Variants in ZNF12 observed in about 807,000 individuals in gnomAD.
The protein encoded by ZNF12 is gonadotropin inducible transcription repressor 3.
Under a neutral mutation model 66.6 loss-of-function variants are expected in ZNF12, and 34 were observed. The observed-to-expected ratio is 0.51, with a 90% confidence interval of 0.39 to 0.68. The LOEUF (loss-of-function observed/expected upper bound fraction) is 0.68, where lower values mean the gene tolerates loss of function less well. Ranked by LOEUF, ZNF12 falls within the 30% of genes least tolerant of loss-of-function variation. The pLI is 0.00. For synonymous variants in ZNF12, 320 were observed against 278.9 expected, an observed-to-expected ratio of 1.15 and a Z score of -1.47; for missense variants, 697 against 826.9, an observed-to-expected ratio of 0.84 and a Z score of 1.93.
rs1780369026 is a variant in ZNF12 at position 6,706,886 on chromosome 7, A to G, written c.-505T>C. 3.7e-5 allele frequency: 15 copies of G among 405,136 alleles called. No homozygotes were observed. Among genetic ancestry groups the G allele is most frequent in the South Asian group, 2.5e-4 (15 of 60,596 alleles). The allele number at this position is 405,136 out of a possible 1,614,324, so 25.1% of individuals were successfully genotyped here. A position where few individuals can be genotyped will look rare whatever the true frequency, so the allele number is the denominator to read the frequency against. ...AGGCTCCGCGATTCTCGCCCACCGG[A>G]GGCCAAAGCCTGGGAACTAGGGCGA... On this transcript the variant is annotated 5_prime_UTR_variant, in exon 1 of 5. Coordinates refer to ENST00000405858, the MANE Select transcript of ZNF12 (RefSeq NM_016265.4).
Position 6,697,355 on chromosome 7 carries a change from T to G in ZNF12, c.222A>C (p.Leu74=). ...EEPWIVEGEF[L]LQSYPDEVWQ... is the part of the protein sequence containing the mutation. Reference sequence around the variant, plus strand: ...CTAACACACCTGGATAGCTCTGAAGTAGGAATTCTCCTTCTACTATCCATG... The same window carrying G: ...CTAACACACCTGGATAGCTCTGAAGGAGGAATTCTCCTTCTACTATCCATG... Residue 74 remains leucine (L), a synonymous_variant, in exon 4 of 5, where the codon CTA becomes CTC. Transcript: ENST00000405858. This position sits in a 1 kb window ranked among gnomAD's most constrained non-coding sequence, Gnocchi z 6.1. The G allele has an allele frequency of 1.2e-6, 2 of 1,609,768 alleles. No individual in the cohort carries two copies. The highest frequency in any genetic ancestry group is 1.7e-6 in the Non-Finnish European group (2 of 1,177,932).
chr7:6,697,586 A>C lies in ZNF12; in HGVS notation c.142+99T>G. On this transcript the variant is annotated intron_variant, in intron 3 of 4. Coordinates refer to ENST00000405858, the MANE Select transcript of ZNF12 (RefSeq NM_016265.4). This position sits in a 1 kb window ranked among gnomAD's most constrained non-coding sequence, Gnocchi z 6.1. ...AATGCCCTGCCTGGTGCCCAAAAACAGATTACTCACATTCGTCCCATCAAA... is the reference window on the plus strand; with the variant it reads ...AATGCCCTGCCTGGTGCCCAAAAACCGATTACTCACATTCGTCCCATCAAA... 6.4e-7 allele frequency: 1 copy of C among 1,568,934 alleles called. No homozygotes were observed. The highest frequency in any genetic ancestry group is 1.2e-5 in the South Asian group (1 of 85,212).
rs780382700 is a variant in ZNF12, at chr7:6,691,557, T to G, written c.1385A>C (p.Glu462Ala). 6.2e-7 allele frequency: 1 copy of G among 1,614,118 alleles called. No homozygotes were observed. The highest frequency in any genetic ancestry group is 8.5e-7 in the Non-Finnish European group (1 of 1,179,976). Residue 462 changes from glutamate (E) to alanine (A), a missense_variant, in exon 5 of 5, where the codon GAG becomes GCG. Around this residue, in one of 3 missense-constraint regions of ZNF12, gnomAD observed 401 missense variants for 519.0 expected, o/e 0.77. Transcript: ENST00000405858. Reference protein sequence around the residue: ...LTVHYRTHSGEKPYECNECGK... With the variant: ...LTVHYRTHSGAKPYECNECGK... ...ACATTCATTACATTCATAGGGTTTC[T>G]CTCCTGAATGAGTTCTATAATGTAC...
In ZNF12 at chr7:6,692,616, A is replaced by C; in HGVS notation, c.326T>G (p.Leu109Arg). 6.2e-7 allele frequency: 1 copy of C among 1,613,834 alleles called. No individual in the cohort carries two copies. The highest frequency in any genetic ancestry group is 8.5e-7 in the Non-Finnish European group (1 of 1,179,826). Residue 109 changes from leucine to arginine, a missense_variant, in exon 5 of 5, where the codon CTG (leucine) becomes CGG (arginine). Transcript: ENST00000405858. The surrounding 1 kb of genome is among the most constrained non-coding windows in gnomAD (Gnocchi z 5.1). Reference sequence around the variant, plus strand: ...AGGAACATTACCTCTCTCTTCAATCAGGGTCTCAATGAACACAGTTTGCCT... The same window carrying C: ...AGGAACATTACCTCTCTCTTCAATCCGGGTCTCAATGAACACAGTTTGCCT... ...PSRQTVFIET[L>R]IEERGNVPGK... is the part of the protein sequence containing the mutation.
At chr7:6,704,327 AG>A (rs1780311198) in intron 2 of ZNF12, 1 of 151,442 alleles carries the variant, frequency 6.6e-6, no homozygotes, top group Non-Finnish European at 1.5e-5. Context: ...AAAAAAAAAA[AG>A]AAAAGAAAAT....
chr7:6,693,495 T>C (rs1284482414), intron 4 of ZNF12, among the ~76,000 whole-genome samples: 1 of 152,254 alleles, frequency 6.6e-6, no homozygotes, highest in Non-Finnish European at 1.5e-5. Context: ...AATGATGCTA[T>C]GATTTAATGC....
chr7:6,695,419 CTA>C (rs1343139726), intron 4 of ZNF12, among the ~76,000 whole-genome samples: 1 of 151,980 alleles, frequency 6.6e-6, no homozygotes, highest in African/African-American at 2.4e-5. Flanking sequence ...CAGGGTTTCA[CTA>C]TGTTACCCAG....
Position 6,692,205 on chromosome 7 carries a change from G to C in ZNF12, c.737C>G (p.Ser246Cys). Residue 246 changes from serine (S) to cysteine (C), a missense_variant, in exon 5 of 5, where the codon TCT becomes TGT. This residue lies in a region of ZNF12 where 241 missense variants were observed against 224.0 expected (regional missense o/e 1.08). Transcript: ENST00000405858. This position sits in a 1 kb window ranked among gnomAD's most constrained non-coding sequence, Gnocchi z 5.1. Reference sequence around the variant, plus strand: ...CGACATCTGGAGAAAGGCTATTTCAGATCCATTCCACTTATAGGGCTTTTC... The same window carrying C: ...CGACATCTGGAGAAAGGCTATTTCACATCCATTCCACTTATAGGGCTTTTC... Reference protein sequence around the residue: ...MEEKPYKWNGSEIAFLQMSDL... With the variant: ...MEEKPYKWNGCEIAFLQMSDL... The C allele has an allele frequency of 1.2e-6, 2 of 1,614,008 alleles. No homozygotes were observed. Among genetic ancestry groups the C allele is most frequent in the South Asian group, 2.2e-5 (2 of 91,078 alleles).
intron 2 of ZNF12, among the ~76,000 whole-genome samples, chr7:6,699,240 G>C (rs1010099167): frequency 1.3e-5 from 2 of 152,210 alleles, no homozygotes; most frequent in African/African-American, 4.8e-5. Flanking sequence ...AGCTACGTAA[G>C]ATGATGACAA....
rs377428815 is a variant in ZNF12 at position 6,691,613 on chromosome 7, T to C, written c.1329A>G (p.Gly443=). Residue 443 remains glycine, a synonymous_variant, in exon 5 of 5, where the codon GGA becomes GGG. Coordinates refer to ENST00000405858, the MANE Select transcript of ZNF12 (RefSeq NM_016265.4). ...GATATGACAACCGAGAGAAGAATTTTCCACACTCATTACATTCATACGGTT... is the reference window on the plus strand; with the variant it reads ...GATATGACAACCGAGAGAAGAATTTCCCACACTCATTACATTCATACGGTT... ...GEKPYECNEC[G]KFFSRLSYLT... The C allele has an allele frequency of 1.9e-6, 3 of 1,614,034 alleles. No homozygotes were observed. The highest frequency in any genetic ancestry group is 2.5e-6 in the Non-Finnish European group (3 of 1,179,928).
intron 4 of ZNF12, among the ~76,000 whole-genome samples, chr7:6,694,394 TGA>T (rs1406290439): frequency 6.6e-6 from 1 of 152,102 alleles, no homozygotes; most frequent in South Asian, 2.1e-4. Context: ...GAAAAAAATC[TGA>T]GAGACAATAC....
Position 6,697,846 on chromosome 7 carries a change from G to C in ZNF12, c.16-35C>G. 3.1e-6 allele frequency: 5 copies of C among 1,613,616 alleles called. No individual in the cohort carries two copies. The South Asian group carries it at 5.5e-5, about 18-fold the overall frequency. ...CACCGTGATTGGAATTGGGTGACGT[G>C]AAATAGGCACATAGGTACAAGATCT... On this transcript the variant is annotated intron_variant, in intron 2 of 4. Coordinates refer to ENST00000405858, the MANE Select transcript of ZNF12 (RefSeq NM_016265.4). The surrounding 1 kb of genome is among the most constrained non-coding windows in gnomAD (Gnocchi z 6.1).
Position 6,691,131 on chromosome 7 carries a change from G to A in ZNF12, c.1811C>T (p.Ala604Val). 2 of 1,614,062 alleles carry A rather than the reference G, an allele frequency of 1.2e-6. No homozygotes were observed. The highest frequency in any genetic ancestry group is 1.1e-5 in the South Asian group (1 of 91,078). The change falls in exon 5 of 5, where the codon GCC becomes GTC. Residue 604 changes from alanine to valine, a missense_variant. Ala to Val is a moderately conservative substitution (Grantham distance 64, BLOSUM62 0). Coordinates refer to ENST00000405858, the MANE Select transcript of ZNF12 (RefSeq NM_016265.4). Reference protein sequence around the residue: ...RHQRTHTGEKAYECYECGKCF... With the variant: ...RHQRTHTGEKVYECYECGKCF... ...CTTCCCACATTCATAACATTCGTAG[G>A]CTTTCTCTCCTGTGTGTGTTCTCTG...
rs369183897 is a variant in ZNF12, at chr7:6,705,143, G to A, written c.15+16C>T. The A allele has an allele frequency of 5.7e-5, 92 of 1,613,114 alleles. No individual in the cohort carries two copies. The African/African-American group carries it at 8.7e-4, about 15-fold the overall frequency. On this transcript the variant is annotated intron_variant, in intron 2 of 4. Coordinates refer to ENST00000405858, the MANE Select transcript of ZNF12 (RefSeq NM_016265.4). This position sits in a 1 kb window ranked among gnomAD's most constrained non-coding sequence, Gnocchi z 4.0. Reference sequence around the variant, plus strand: ...AAATCAGAGTAGAGAATAAATACATGAACAGAAACACTCACCAGGGATTTA... The same window carrying A: ...AAATCAGAGTAGAGAATAAATACATAAACAGAAACACTCACCAGGGATTTA...
chr7:6,691,706 A>G lies in ZNF12; in HGVS notation c.1236T>C (p.Ser412=), dbSNP rs746702065. 33 of 1,613,564 alleles carry G rather than the reference A, an allele frequency of 2.0e-5. No homozygotes were observed. Among genetic ancestry groups the G allele is most frequent in the Non-Finnish European group, 2.3e-5 (27 of 1,179,824 alleles). Reference sequence around the variant, plus strand: ...TGCGGCAGAAGCATTTCCCACATTCACTACACTTGTAGAGTTTCACACCTG... The same window carrying G: ...TGCGGCAGAAGCATTTCCCACATTCGCTACACTTGTAGAGTTTCACACCTG... ...IHTGVKLYKC[S]ECGKCFCRKS... The change falls in exon 5 of 5, where the codon AGT becomes AGC. Residue 412 remains serine (S), a synonymous_variant. Coordinates refer to ENST00000405858, the MANE Select transcript of ZNF12 (RefSeq NM_016265.4).
chr7:6,697,312 A>G lies in ZNF12; in HGVS notation c.238+27T>C. On this transcript the variant is annotated intron_variant, in intron 4 of 4. Transcript: ENST00000405858. The surrounding 1 kb of genome is among the most constrained non-coding windows in gnomAD (Gnocchi z 6.1). ...TGGGAAAAACACTCCCAAGTTACCG[A>G]TCTCCTCACTGCCTCCACTAACACA... is the stretch of plus-strand genomic sequence containing the variant. 6.4e-7 allele frequency: 1 copy of G among 1,560,194 alleles called. No homozygotes were observed. Among genetic ancestry groups the G allele is most frequent in the Non-Finnish European group, 8.7e-7 (1 of 1,143,156 alleles).
At position 6,689,644 on chromosome 7, in the gene ZNF12, C is replaced by G. The variant is rs960494816; in HGVS notation, c.*1204G>C. Reference sequence around the variant, plus strand: ...TTAGAATGTGTTCTTAATTCATTAACAGGAAGGAGTAGAGCACAAGGTTTA... The same window carrying G: ...TTAGAATGTGTTCTTAATTCATTAAGAGGAAGGAGTAGAGCACAAGGTTTA... On this transcript the variant is annotated 3_prime_UTR_variant, in exon 5 of 5. Coordinates refer to ENST00000405858, the MANE Select transcript of ZNF12 (RefSeq NM_016265.4). 9 of 152,538 alleles carry G rather than the reference C, an allele frequency of 5.9e-5. No individual in the cohort carries two copies. The highest frequency in any genetic ancestry group is 2.2e-4 in the African/African-American group (9 of 41,394). 9.4% of individuals were successfully genotyped at this position (152,538 alleles called of 1,614,324 possible).
Position 6,706,799 on chromosome 7 carries a change from C to G in ZNF12, c.-418G>C. 3.6e-6 allele frequency: 1 copy of G among 275,990 alleles called. No individual in the cohort carries two copies. Among genetic ancestry groups the G allele is most frequent in the Non-Finnish European group, 7.0e-6 (1 of 142,108 alleles). 17.1% of individuals were successfully genotyped at this position (275,990 alleles called of 1,614,324 possible). A position where few individuals can be genotyped will look rare whatever the true frequency, so the allele number is the denominator to read the frequency against. ...CGGGGATCCCCGCTTGAGCCTCCGC[C>G]TGGCCCGCACAGCCCCGCGCCCGCT... On this transcript the variant is annotated 5_prime_UTR_variant, in exon 1 of 5. Coordinates refer to ENST00000405858, the MANE Select transcript of ZNF12 (RefSeq NM_016265.4).
At chr7:6,703,655 G>C (rs1287736807) in intron 2 of ZNF12, among the ~76,000 whole-genome samples, 1 of 152,200 alleles carries the variant, frequency 6.6e-6, no homozygotes, top group African/African-American at 2.4e-5. Flanking sequence ...TGCTAAGCAG[G>C]TGGCTGGACA....
Sources: allele counts gnomAD v4.1 joint callset (sites outside exome capture counted in the v4.1 genomes callset), GRCh38; gene constraint gnomAD v4.1.1; regional missense constraint gnomAD v4.1.1; non-coding constraint Gnocchi (gnomAD v3.1); transcripts MANE v1.5; gene names NCBI Gene and HGNC (gene_info 2026-07-23, HGNC 2026-07-21).